Variants in PPP1R12A observed in about 807,000 individuals in gnomAD.
PPP1R12A encodes the protein protein phosphatase 1 regulatory subunit 12A, also known as myosin binding subunit.
A neutral mutation model predicts 139.6 loss-of-function variants in PPP1R12A; 19 were observed. The ratio of observed to expected loss-of-function variants is 0.14; its 90% CI spans 0.09 to 0.20. The LOEUF is 0.20. PPP1R12A is among the 10% of genes least tolerant of loss of function. The pLI, the probability that PPP1R12A is intolerant of heterozygous loss-of-function variation, is 1.00. For synonymous variants in PPP1R12A, 427 were observed against 420.6 expected (o/e 1.02, Z -0.19); for missense variants, 925 against 1,211.5 (o/e 0.76, Z 3.51).
At chr12:79,836,138 C>T (rs913396696) in intron 3 of PPP1R12A, among the ~76,000 whole-genome samples, 1 of 152,092 alleles carries the variant, frequency 6.6e-6, no homozygotes, top group Non-Finnish European at 1.5e-5. Flanking sequence ...ATTGTATAAA[C>T]TATATATGGA....
chr12:79,924,091 T>C (rs1342706105), intron 1 of PPP1R12A, among the ~76,000 whole-genome samples: 1 of 152,090 alleles, frequency 6.6e-6, no homozygotes. Flanking sequence ...ATGACCCATA[T>C]AAAAGCAAGA....
At chr12:79,791,487 C>T (rs987095204) in intron 19 of PPP1R12A, among the ~76,000 whole-genome samples, 1 of 152,072 alleles carries the variant, frequency 6.6e-6, no homozygotes, top group Non-Finnish European at 1.5e-5. Flanking sequence ...CCATCACATC[C>T]GACTAATTTC....
intron 3 of PPP1R12A, among the ~76,000 whole-genome samples, chr12:79,844,019 T>C (rs921873564): frequency 6.6e-6 from 1 of 152,112 alleles, no homozygotes; most frequent in Non-Finnish European, 1.5e-5. Flanking sequence ...ATATTTTATA[T>C]ATACATACAT....
chr12:79,788,041 G>T (rs192052074), intron 21 of PPP1R12A: 1 of 152,318 alleles, frequency 6.6e-6, no homozygotes, highest in East Asian at 1.9e-4. Flanking sequence ...AATAAATGAT[G>T]AATCTTACTC....
intron 1 of PPP1R12A, among the ~76,000 whole-genome samples, chr12:79,876,403 A>G (rs532494776): frequency 1.3e-5 from 2 of 152,188 alleles, no homozygotes; most frequent in Non-Finnish European, 2.9e-5. Context: ...CTTGGGCTCA[A>G]TAAATGAATT....
chr12:79,883,429 G>A (rs951415675), intron 1 of PPP1R12A, among the ~76,000 whole-genome samples: 4 of 152,034 alleles, frequency 2.6e-5, no homozygotes, highest in African/African-American at 7.2e-5. Flanking sequence ...AGGTATGCCT[G>A]TACTCATGAA....
intron 2 of PPP1R12A, among the ~76,000 whole-genome samples, chr12:79,848,168 C>T (rs1447068686): frequency 2.6e-5 from 4 of 152,080 alleles, no homozygotes; most frequent in Non-Finnish European, 5.9e-5. Context: ...ATTCTACAAA[C>T]AGAAGTTAGA....
intron 13 of PPP1R12A, 164 bp from the exon 14 acceptor site, chr12:79,805,932 CA>C (rs1873775143): frequency 1.1e-6 from 1 of 941,394 alleles, no homozygotes; most frequent in Admixed American, 3.0e-5. Flanking sequence ...CCAGAGTTGT[CA>C]AAGAGAGAAA....
chr12:79,848,829 A>G (rs1879713149), intron 2 of PPP1R12A: 1 of 152,154 alleles, frequency 6.6e-6, no homozygotes, highest in Non-Finnish European at 1.5e-5. Context: ...TATCTACCAT[A>G]AATAGTCTCC....
At chr12:79,781,096 A>G (rs1295237273) in intron 23 of PPP1R12A, among the ~76,000 whole-genome samples, 1 of 152,170 alleles carries the variant, frequency 6.6e-6, no homozygotes, top group Admixed American at 6.5e-5. Flanking sequence ...CTACACTACA[A>G]ACAATCTTTG....
In PPP1R12A at chr12:79,774,811, A is replaced by G. The variant is rs1475674777; in HGVS notation, c.*1118T>C. 6.6e-6 allele frequency: 1 copy of G among 152,590 alleles called. No individual in the cohort carries two copies. The highest frequency in any genetic ancestry group is 1.5e-5 in the Non-Finnish European group (1 of 68,000). The allele number at this position is 152,590 out of a possible 1,614,324, so 9.5% of individuals were successfully genotyped here. ...CACAACAGTTTTAGACAGCACTCAG[A>G]TAAATATAGGTATGTGAAATGTAAA... On this transcript the variant is annotated 3_prime_UTR_variant, in exon 25 of 25. Coordinates refer to ENST00000450142, the MANE Select transcript of PPP1R12A (RefSeq NM_002480.3).
intron 1 of PPP1R12A, among the ~76,000 whole-genome samples, chr12:79,890,901 CCACCCACACACACA>C (rs1365246507): frequency 6.5e-5 from 2 of 30,952 alleles, no homozygotes; most frequent in African/African-American, 2.0e-4. Context: ...CCACCCACAC[CCACCCACACACACA>C]CACACACACA....
chr12:79,887,306 C>T (rs1487370223), intron 1 of PPP1R12A, among the ~76,000 whole-genome samples: 1 of 148,744 alleles, frequency 6.7e-6, no homozygotes, highest in Non-Finnish European at 1.5e-5. Flanking sequence ...TATTTCCACT[C>T]TTCTCCTGGC....
At chr12:79,898,932 G>A (rs986779813) in intron 1 of PPP1R12A, among the ~76,000 whole-genome samples, 7 of 151,580 alleles carry the variant, frequency 4.6e-5, no homozygotes, top group South Asian at 4.2e-4. Flanking sequence ...CTTTTCCTTC[G>A]CATTTTATTG....
At chr12:79,789,876 C>T (rs1306057709) in intron 20 of PPP1R12A, among the ~76,000 whole-genome samples, 1 of 150,800 alleles carries the variant, frequency 6.6e-6, no homozygotes, top group East Asian at 1.9e-4. Context: ...CTCCTGGGAG[C>T]TCAAGTGATC....
intron 2 of PPP1R12A, among the ~76,000 whole-genome samples, chr12:79,847,578 C>T (rs576225709): frequency 6.6e-6 from 1 of 152,182 alleles, no homozygotes; most frequent in African/African-American, 2.4e-5. Context: ...GTCTAGTATG[C>T]ATCTGGCACT....
Position 79,817,437 on chromosome 12 carries a change from G to A in PPP1R12A, c.1196C>T (p.Thr399Ile). The A allele has an allele frequency of 6.2e-7, 1 of 1,611,852 alleles. No individual in the cohort carries two copies. The highest frequency in any genetic ancestry group is 2.2e-5 in the East Asian group (1 of 44,716). ...QAAPVAVTTPTVSSGQATPTS... is the reference protein window; with the variant it reads ...QAAPVAVTTPIVSSGQATPTS... ...AGGTGTTGCTTGACCTGATGACACAGTAGGTGTTGTAACAGCTACAGGAGC... is the reference window on the plus strand; with the variant it reads ...AGGTGTTGCTTGACCTGATGACACAATAGGTGTTGTAACAGCTACAGGAGC... The change falls in exon 9 of 25, where the codon ACT becomes ATT. Residue 399 changes from threonine (T) to isoleucine (I), a missense_variant. Thr to Ile is a moderately conservative substitution (Grantham distance 89). Coordinates refer to ENST00000450142, the MANE Select transcript of PPP1R12A (RefSeq NM_002480.3).
chr12:79,928,120 G>A (rs566035852), intron 1 of PPP1R12A, among the ~76,000 whole-genome samples: 2 of 152,276 alleles, frequency 1.3e-5, no homozygotes, highest in African/African-American at 4.8e-5. Flanking sequence ...TATGTGAACT[G>A]TAATTTTTAA....
Position 79,775,035 on chromosome 12 carries a change from T to C in PPP1R12A, c.*894A>G, listed in dbSNP as rs563446929. 2 of 152,498 alleles carry C rather than the reference T, an allele frequency of 1.3e-5. No homozygotes were observed. Among genetic ancestry groups the C allele is most frequent in the Non-Finnish European group, 2.9e-5 (2 of 67,974 alleles). 9.4% of individuals were successfully genotyped at this position (152,498 alleles called of 1,614,324 possible). A position where few individuals can be genotyped will look rare whatever the true frequency, so the allele number is the denominator to read the frequency against. ...TAGCCTACTCTGCATTAGCAGACAT[T>C]TGAAATAAGAAATAGTCAAGCATGC... On this transcript the variant is annotated 3_prime_UTR_variant, in exon 25 of 25. Transcript: ENST00000450142.
Sources: gnomAD v4.1 joint callset for allele counts (sites outside exome capture counted in the v4.1 genomes callset) on GRCh38, gnomAD v4.1.1 for gene constraint, MANE v1.5 for transcripts, NCBI Gene and HGNC (gene_info 2026-07-23, HGNC 2026-07-21) for gene names.